The following MYCBP2 variants were observed in gnomAD, a reference collection of about 807,000 sequenced individuals.
MYCBP2 encodes E3 ubiquitin-protein ligase MYCBP2.
In MYCBP2, 120 loss-of-function variants were observed where a neutral mutation model predicts 525.3. The ratio of observed to expected loss-of-function variants is 0.23; its 90% CI spans 0.20 to 0.27. MYCBP2 has a LOEUF of 0.27. Among genes scored for constraint, MYCBP2 ranks in the 10% least tolerant of loss-of-function variants. The probability of loss-of-function intolerance (pLI) is 1.00; values close to 1 mark genes in which losing one functional copy is unlikely to be tolerated. For missense variants in MYCBP2, 4,149 were observed against 5,657.1 expected, an observed-to-expected ratio of 0.73 and a Z score of 8.55; for synonymous variants, 1,894 against 1,955.8, an observed-to-expected ratio of 0.97 and a Z score of 0.83.
intron 44 of MYCBP2, among the ~76,000 whole-genome samples, chr13:77,159,385 T>TG (rs1226433148): frequency 6.6e-6 from 1 of 152,168 alleles, no homozygotes; most frequent in African/African-American, 2.4e-5. Context: ...GGACACCATT[T>TG]TTTTTTTTCT....
intron 21 of MYCBP2, among the ~76,000 whole-genome samples, chr13:77,213,095 G>A (rs2064266399): frequency 6.6e-6 from 1 of 152,196 alleles, no homozygotes. Flanking sequence ...CACATGATTA[G>A]AGAAGCAGCC....
chr13:77,199,226 C>T (rs968614626), intron 26 of MYCBP2, among the ~76,000 whole-genome samples: 21 of 152,338 alleles, frequency 1.4e-4, no homozygotes, highest in East Asian at 5.8e-4. Flanking sequence ...TTGCCTCACT[C>T]GGGAAGCGCA....
chr13:77,287,148 A>C (rs2076946234), intron 3 of MYCBP2, among the ~76,000 whole-genome samples: 1 of 150,240 alleles, frequency 6.7e-6, no homozygotes, highest in South Asian at 2.1e-4. Flanking sequence ...TGGCCTCCCA[A>C]AGAGCTGGGA....
chr13:77,228,822 T>C (rs1220613194), intron 18 of MYCBP2, among the ~76,000 whole-genome samples: 3 of 152,098 alleles, frequency 2.0e-5, no homozygotes, highest in Non-Finnish European at 4.4e-5. Context: ...TATAATTATA[T>C]ACACATATTT....
chr13:77,156,641 C>T (rs553420617), intron 45 of MYCBP2, among the ~76,000 whole-genome samples: 1 of 152,276 alleles, frequency 6.6e-6, no homozygotes, highest in East Asian at 1.9e-4. Flanking sequence ...CCTCTACTTG[C>T]CTGACAGCAG....
chr13:77,300,917 C>T (rs9544452), intron 1 of MYCBP2, among the ~76,000 whole-genome samples: 110,363 of 152,010 alleles, frequency 0.73, 41,444 homozygotes, highest in Middle Eastern at 0.84. Context: ...ATGGGGGTAA[C>T]TGCAGAGCTT....
Position 77,159,595 on chromosome 13 carries a change from G to A in MYCBP2, c.6598-1486C>T, listed in dbSNP as rs559378678. Reference sequence around the variant, plus strand: ...GGGAGGTGACTGAATCATGGGGGCAGACTTCCCCCTTGCTGTTTTCCTTAC... The same window carrying A: ...GGGAGGTGACTGAATCATGGGGGCAAACTTCCCCCTTGCTGTTTTCCTTAC... On this transcript the variant is annotated intron_variant, in intron 44 of 82. Coordinates refer to ENST00000544440, the MANE Select transcript of MYCBP2 (RefSeq NM_015057.5). 6.6e-5 allele frequency among the ~76,000 whole-genome samples: 10 copies of A among 152,286 alleles called. No individual in the cohort carries two copies. In the South Asian group the frequency reaches 1.2e-3, roughly 19 times the overall value.
intron 3 of MYCBP2, 28 bp from the exon 4 acceptor site, chr13:77,278,939 T>C (rs561306793): frequency 6.7e-7 from 1 of 1,484,802 alleles, no homozygotes; most frequent in Non-Finnish European, 9.0e-7. Flanking sequence ...ATATATATAC[T>C]TTATGACATG....
chr13:77,230,121 T>A (rs1203363009), intron 18 of MYCBP2, among the ~76,000 whole-genome samples: 1 of 152,214 alleles, frequency 6.6e-6, no homozygotes, highest in Non-Finnish European at 1.5e-5. Context: ...TTAGTCAATA[T>A]CTGCCTGTAT....
rs1174537759 is a variant in MYCBP2 at position 77,125,511 on chromosome 13, C to T, written c.7885-43G>A. The T allele has an allele frequency of 6.2e-6, 10 of 1,608,180 alleles. No individual in the cohort carries two copies. In the South Asian group the frequency reaches 8.9e-5, roughly 14 times the overall value. ...GCATGATTGATTGGCTTGATTCTTT[C>T]AGGGAACTCAGTCTGAAAACCAGTA... On this transcript the variant is annotated intron_variant, in intron 53 of 82. Transcript: ENST00000544440.
chr13:77,221,798 A>G (rs1326345848), intron 20 of MYCBP2, among the ~76,000 whole-genome samples: 1 of 152,184 alleles, frequency 6.6e-6, no homozygotes, highest in Non-Finnish European at 1.5e-5. Context: ...CACAGGTTAT[A>G]GTCATCCCTC....
At chr13:77,061,811 G>A (rs369373750) in intron 74 of MYCBP2, 21 bp from the exon 75 acceptor site, 27 of 1,547,134 alleles carry the variant, frequency 1.7e-5, no homozygotes, top group East Asian at 2.3e-5. Context: ...ACATTTCCAC[G>A]TTACTTAGAT....
intron 44 of MYCBP2, among the ~76,000 whole-genome samples, chr13:77,161,264 T>C (rs966030186): frequency 2.6e-5 from 4 of 152,248 alleles, no homozygotes; most frequent in Non-Finnish European, 5.9e-5. Flanking sequence ...CTCTAGGCAA[T>C]TTTGAGAAAT....
chr13:77,122,505 C>T (rs181725290), intron 54 of MYCBP2, among the ~76,000 whole-genome samples: 446 of 151,856 alleles, frequency 2.9e-3, no homozygotes, highest in African/African-American at 4.8e-3. Flanking sequence ...ATCGAGACCA[C>T]GGTGAAACCC....
intron 15 of MYCBP2, among the ~76,000 whole-genome samples, chr13:77,245,276 A>C (rs1215361764): frequency 6.6e-6 from 1 of 152,324 alleles, no homozygotes; most frequent in African/African-American, 2.4e-5. Context: ...GAGGATTATA[A>C]ATCATCCTAC....
chr13:77,147,502 T>C lies in MYCBP2; in HGVS notation c.7132-1285A>G, dbSNP rs143197944. Among the ~76,000 whole-genome samples the C allele has an allele frequency of 6.8e-4, 104 of 152,238 alleles. 1 individual carries two copies. Among genetic ancestry groups the C allele is most frequent in the East Asian group, 6.6e-3 (34 of 5,190 alleles). On this transcript the variant is annotated intron_variant, in intron 47 of 82. Coordinates refer to ENST00000544440, the MANE Select transcript of MYCBP2 (RefSeq NM_015057.5). ...TCAGGTCAAGATGTCCAACTGCTCA[T>C]CTACTTCTAACTCCTCCTGTACTTA...
intron 55 of MYCBP2, among the ~76,000 whole-genome samples, chr13:77,109,170 G>C (rs1209943393): frequency 1.3e-5 from 2 of 152,074 alleles, no homozygotes; most frequent in Non-Finnish European, 1.5e-5. Context: ...TAACACAATG[G>C]TCCCCTAACT....
At chr13:77,221,799 G>A (rs1458588429) in intron 20 of MYCBP2, among the ~76,000 whole-genome samples, 1 of 152,092 alleles carries the variant, frequency 6.6e-6, no homozygotes, top group African/African-American at 2.4e-5. Context: ...ACAGGTTATA[G>A]TCATCCCTCA....
chr13:77,217,018 A>G (rs1286973482), intron 21 of MYCBP2, among the ~76,000 whole-genome samples: 2 of 152,256 alleles, frequency 1.3e-5, no homozygotes, highest in East Asian at 3.8e-4. Flanking sequence ...ATAATAAAGC[A>G]AATGCTGGAT....
Sources: allele counts gnomAD v4.1 joint callset (sites outside exome capture counted in the v4.1 genomes callset), GRCh38; gene constraint gnomAD v4.1.1; transcripts MANE v1.5; gene names NCBI Gene and HGNC (gene_info 2026-07-23, HGNC 2026-07-21).